ARHGAP5: variants seen among roughly 807,000 people sequenced by gnomAD.
The protein encoded by ARHGAP5 is rho GTPase-activating protein 5.
In ARHGAP5, 23 loss-of-function variants were observed where a neutral mutation model predicts 116.6. The ratio of observed to expected loss-of-function variants is 0.20; its 90% CI spans 0.14 to 0.28. The LOEUF (loss-of-function observed/expected upper bound fraction) is 0.28. Ranked by LOEUF, ARHGAP5 falls within the 10% of genes least tolerant of loss-of-function variation. The pLI, the probability that ARHGAP5 is intolerant of heterozygous loss-of-function variation, is 1.00. For synonymous variants in ARHGAP5, 574 were observed against 602.0 expected (o/e 0.95, Z 0.68); for missense variants, 1,405 against 1,774.8 (o/e 0.79, Z 3.74).
In ARHGAP5 at chr14:32,158,370, G is replaced by C. The variant is rs1566690325; in HGVS notation, c.*3422G>C. On this transcript the variant is annotated 3_prime_UTR_variant, in exon 7 of 7. Transcript: ENST00000345122. ...TATCAGGAAAACAAGATAATGCACA[G>C]ATTTCTAAGACTAAGATCTTACCTG... 6.6e-6 allele frequency: 1 copy of C among 151,898 alleles called. No individual in the cohort carries two copies. Among genetic ancestry groups the C allele is most frequent in the Admixed American group, 6.6e-5 (1 of 15,246 alleles). The allele number at this position is 151,898 out of a possible 1,614,324, so 9.4% of individuals were successfully genotyped here.
chr14:32,098,178 G>A (rs1878623496), intron 2 of ARHGAP5, among the ~76,000 whole-genome samples: 1 of 152,168 alleles, frequency 6.6e-6, no homozygotes, highest in Non-Finnish European at 1.5e-5. Context: ...AGGCAGGGTG[G>A]AATGGTGGTA....
At chr14:32,139,749 T>G (rs1256139673) in intron 3 of ARHGAP5, among the ~76,000 whole-genome samples, 1 of 151,546 alleles carries the variant, frequency 6.6e-6, no homozygotes, top group African/African-American at 2.4e-5. Flanking sequence ...AGCTTTAGGT[T>G]TAGCTTTGTC....
At position 32,093,504 on chromosome 14, in the gene ARHGAP5, A is replaced by G; in HGVS notation, c.2835A>G (p.Ile945Met). Reference sequence around the variant, plus strand: ...ATGTTCTAGAGAAAAAAAATATGATAGAAAATTCTTATTTGTCTGATAATA... The same window carrying G: ...ATGTTCTAGAGAAAAAAAATATGATGGAAAATTCTTATTTGTCTGATAATA... The part of the protein sequence containing the change: ...FSDVLEKKNM[I>M]ENSYLSDNTR... Residue 945 changes from isoleucine (I) to methionine (M), a missense_variant, in exon 2 of 7, where the codon ATA becomes ATG. Around this residue, in one of 6 missense-constraint regions of ARHGAP5, gnomAD observed 944 missense variants for 1,095.3 expected, o/e 0.86. Coordinates refer to ENST00000345122, the MANE Select transcript of ARHGAP5 (RefSeq NM_001030055.2). 5 of 1,612,646 alleles carry G rather than the reference A, an allele frequency of 3.1e-6. No homozygotes were observed. Among genetic ancestry groups the G allele is most frequent in the Non-Finnish European group, 3.4e-6 (4 of 1,179,600 alleles).
Position 32,149,742 on chromosome 14 carries a change from C to T in ARHGAP5, c.3944-160C>T, listed in dbSNP as rs149971005. On this transcript the variant is annotated intron_variant, in intron 4 of 6. Transcript: ENST00000345122. ...GAGGTGAGATTGTGCCACTGTATTCCAGCTGGGGCAACAAAAGTAAAACTC... is the reference window on the plus strand; with the variant it reads ...GAGGTGAGATTGTGCCACTGTATTCTAGCTGGGGCAACAAAAGTAAAACTC... Among the ~76,000 whole-genome samples, 66 of 150,968 alleles carry T rather than the reference C, an allele frequency of 4.4e-4. 2 individuals carry two copies. In the East Asian group the frequency reaches 0.012, roughly 28 times the overall value.
At position 32,080,607 on chromosome 14, in the gene ARHGAP5, A is replaced by G. The variant is rs1483608448; in HGVS notation, c.-169+3172A>G. On this transcript the variant is annotated intron_variant, in intron 1 of 6. Transcript: ENST00000345122. ...ATACCAAGATAAATTAGATATAGGT[A>G]TAATAGCTCAAGCTGTATAAAGGAG... 3.3e-5 allele frequency among the ~76,000 whole-genome samples: 5 copies of G among 152,186 alleles called. No individual in the cohort carries two copies. The South Asian group carries it at 6.2e-4, about 19-fold the overall frequency.
At chr14:32,112,189 T>G (rs1421009757) in intron 2 of ARHGAP5, among the ~76,000 whole-genome samples, 1 of 152,198 alleles carries the variant, frequency 6.6e-6, no homozygotes, top group Non-Finnish European at 1.5e-5. Context: ...CCACAGCTGG[T>G]TCTTTGAGAG....
At position 32,081,989 on chromosome 14, in the gene ARHGAP5, C is replaced by T. The variant is rs982706910; in HGVS notation, c.-169+4554C>T. Among the ~76,000 whole-genome samples, 6 of 152,126 alleles carry T rather than the reference C, an allele frequency of 3.9e-5. No homozygotes were observed. The South Asian group carries it at 8.3e-4, about 21-fold the overall frequency. ...ATGGTTTTGGGATGAAACTGTTCCC[C>T]CTCAGATCATCAGGCATTAATTAGT... On this transcript the variant is annotated intron_variant, in intron 1 of 6. Transcript: ENST00000345122.
chr14:32,127,390 T>C (rs1411302443), intron 3 of ARHGAP5, among the ~76,000 whole-genome samples: 1 of 152,146 alleles, frequency 6.6e-6, no homozygotes, highest in Non-Finnish European at 1.5e-5. Context: ...ACAAGCATGC[T>C]GCCTTCAAGC....
Position 32,083,723 on chromosome 14 carries a change from C to T in ARHGAP5, c.-169+6288C>T, listed in dbSNP as rs1043078653. On this transcript the variant is annotated intron_variant, in intron 1 of 6. Transcript: ENST00000345122. The stretch of plus-strand genomic sequence containing the variant: ...GCTCTCATTTTAAAAATTGTTAAGC[C>T]GTATCTAAAGTTGTTTGTATGATGA... 8.5e-5 allele frequency among the ~76,000 whole-genome samples: 13 copies of T among 152,112 alleles called. 1 individual carries two copies. The South Asian group carries it at 1.0e-3, about 12-fold the overall frequency.
intron 3 of ARHGAP5, among the ~76,000 whole-genome samples, chr14:32,130,734 T>G (rs1176051456): frequency 6.6e-6 from 1 of 150,484 alleles, no homozygotes; most frequent in Non-Finnish European, 1.5e-5. Flanking sequence ...GATTTCACCA[T>G]ATTGGCCAGG....
chr14:32,127,774 C>T lies in ARHGAP5; in HGVS notation c.3865+10487C>T, dbSNP rs536651199. ...CCAGGCAGAGGGGCCTCCCCACCCC[C>T]GAGACAGGGCGGCTGGAGGCGCCCC... On this transcript the variant is annotated intron_variant, in intron 3 of 6. Coordinates refer to ENST00000345122, the MANE Select transcript of ARHGAP5 (RefSeq NM_001030055.2). Among the ~76,000 whole-genome samples, 11 of 151,470 alleles carry T rather than the reference C, an allele frequency of 7.3e-5. No homozygotes were observed. The South Asian group carries it at 8.4e-4, about 12-fold the overall frequency.
chr14:32,154,486 T>C, intron 6 of ARHGAP5, 135 bp from the exon 7 acceptor site: 1 of 811,034 alleles, frequency 1.2e-6, no homozygotes, highest in Non-Finnish European at 1.9e-6. Context: ...AAGATGCTTC[T>C]TTATGCAAAT....
Position 32,096,136 on chromosome 14 carries a change from GGTTT to G in ARHGAP5, c.3717+1755_3717+1758del, listed in dbSNP as rs911351177. Among the ~76,000 whole-genome samples the G allele has an allele frequency of 5.4e-4, 81 of 150,900 alleles. 1 individual carries two copies. Among genetic ancestry groups the G allele is most frequent in the African/African-American group, 1.8e-3 (76 of 41,152 alleles). ...GTGTGTGTGTGTTTTCGTGTCTATT[GGTTT>G]GTTTTTTTTTTTAAGCCCTTTGAGA... On this transcript the variant is annotated intron_variant, in intron 2 of 6. Transcript: ENST00000345122.
In ARHGAP5 at chr14:32,156,854, CCTGA is replaced by C. The variant is rs758666357; in HGVS notation, c.*1909_*1912del. ...CATCAAACTATGTACAGGAAAAAAGCCTGACTATTTCTATTTGGAAGTAGGCTGA... is the reference window on the plus strand; with the variant it reads ...CATCAAACTATGTACAGGAAAAAAGCCTATTTCTATTTGGAAGTAGGCTGA... On this transcript the variant is annotated 3_prime_UTR_variant, in exon 7 of 7. Coordinates refer to ENST00000345122, the MANE Select transcript of ARHGAP5 (RefSeq NM_001030055.2). The C allele has an allele frequency of 2.0e-5, 3 of 152,200 alleles. No homozygotes were observed. Among genetic ancestry groups the C allele is most frequent in the East Asian group, 1.9e-4 (1 of 5,198 alleles). 9.4% of individuals were successfully genotyped at this position (152,200 alleles called of 1,614,324 possible).
At chr14:32,132,804 G>A (rs1361212033) in intron 3 of ARHGAP5, among the ~76,000 whole-genome samples, 1 of 152,104 alleles carries the variant, frequency 6.6e-6, no homozygotes, top group Non-Finnish European at 1.5e-5. Flanking sequence ...TTGTACATAT[G>A]GCTAGCCAGT....
intron 5 of ARHGAP5, 119 bp from the exon 6 acceptor site, chr14:32,152,304 C>T (rs1318034727): frequency 4.2e-6 from 3 of 708,842 alleles, no homozygotes; most frequent in Non-Finnish European, 7.0e-6. Context: ...TTTTGTTTAC[C>T]TATCCTAATA....
rs752413698 is a variant in ARHGAP5, at chr14:32,092,869, G to C, written c.2200G>C (p.Ala734Pro). Reference protein sequence around the residue: ...KLQCPFVDVPAGTYPRKFNET... With the variant: ...KLQCPFVDVPPGTYPRKFNET... ...GCAATGTCCTTTTGTAGATGTACCTGCTGGTACATATCCTCGTAAATTTAA... is the reference window on the plus strand; with the variant it reads ...GCAATGTCCTTTTGTAGATGTACCTCCTGGTACATATCCTCGTAAATTTAA... Residue 734 changes from alanine (A) to proline (P), a missense_variant, in exon 2 of 7, where the codon GCT becomes CCT. Coordinates refer to ENST00000345122, the MANE Select transcript of ARHGAP5 (RefSeq NM_001030055.2). The surrounding 1 kb of genome is among the most constrained non-coding windows in gnomAD (Gnocchi z 4.1). The C allele has an allele frequency of 1.2e-6, 2 of 1,614,048 alleles. No homozygotes were observed. The highest frequency in any genetic ancestry group is 1.7e-5 in the Admixed American group (1 of 60,006).
chr14:32,142,046 GTTTTC>G (rs1881150466), intron 3 of ARHGAP5, among the ~76,000 whole-genome samples: 3 of 152,024 alleles, frequency 2.0e-5, no homozygotes, highest in African/African-American at 4.8e-5. Context: ...CTCTGGTGAA[GTTTTC>G]TTTTCATTTA....
chr14:32,111,843 T>A (rs1465996997), intron 2 of ARHGAP5, among the ~76,000 whole-genome samples: 1 of 143,344 alleles, frequency 7.0e-6, no homozygotes, highest in Non-Finnish European at 1.5e-5. Flanking sequence ...TCTTTGATTT[T>A]TTTTTTTTTT....
Sources: gnomAD v4.1 joint callset for allele counts (sites outside exome capture counted in the v4.1 genomes callset) on GRCh38, gnomAD v4.1.1 for gene constraint, gnomAD v4.1.1 regional missense constraint, Gnocchi (gnomAD v3.1) non-coding constraint, MANE v1.5 for transcripts, NCBI Gene and HGNC (gene_info 2026-07-23, HGNC 2026-07-21) for gene names.